TOX2: variants seen among roughly 807,000 people sequenced by gnomAD.
TOX2 encodes TOX high mobility group box family member 2.
A neutral mutation model predicts 47.4 loss-of-function variants in TOX2; 15 were observed. That is an observed-to-expected ratio of 0.32 (90% CI 0.21 to 0.49). The LOEUF is 0.49. Ranked by LOEUF, TOX2 falls within the 20% of genes least tolerant of loss-of-function variation. The pLI is 0.99. For synonymous variants in TOX2, 290 were observed against 296.6 expected (o/e 0.98, Z 0.23); for missense variants, 622 against 673.1 (o/e 0.92, Z 0.84).
chr20:44,059,886 G>A (rs1027097448), intron 5 of TOX2, among the ~76,000 whole-genome samples: 7 of 152,052 alleles, frequency 4.6e-5, no homozygotes, highest in South Asian at 2.1e-4. Flanking sequence ...ATAGCACAAC[G>A]AATAGAATAG....
At chr20:44,058,501 C>CACCT (rs1200386793) in intron 5 of TOX2, among the ~76,000 whole-genome samples, 1 of 152,210 alleles carries the variant, frequency 6.6e-6, no homozygotes, top group Non-Finnish European at 1.5e-5. Flanking sequence ...CCCCGCCCAC[C>CACCT]ACCTGACACT....
chr20:44,039,075 C>T, intron 3 of TOX2: 1 of 1,279,288 alleles, frequency 7.8e-7, no homozygotes, highest in Non-Finnish European at 1.0e-6. Context: ...GCTGCCTGCC[C>T]AGCCCTCTGC....
chr20:44,048,414 G>A (rs6031324), intron 3 of TOX2, among the ~76,000 whole-genome samples: 85,522 of 115,398 alleles, frequency 0.74, 31,919 homozygotes, highest in Middle Eastern at 0.79. Context: ...ATATATATAT[G>A]TATAATTTAC....
At chr20:44,068,208 G>A (rs2071868402) in intron 8 of TOX2, among the ~76,000 whole-genome samples, 1 of 152,058 alleles carries the variant, frequency 6.6e-6, no homozygotes, top group Non-Finnish European at 1.5e-5. Flanking sequence ...GTAGGGGAGT[G>A]TCACACAATG....
chr20:43,958,447 C>A (rs190466079), intron 1 of TOX2, among the ~76,000 whole-genome samples: 48 of 152,354 alleles, frequency 3.2e-4, no homozygotes, highest in African/African-American at 1.1e-3. Context: ...GGCTGCCCAG[C>A]CTTTGCTCAC....
chr20:44,013,513 C>T (rs2070817770), intron 3 of TOX2, among the ~76,000 whole-genome samples: 1 of 152,248 alleles, frequency 6.6e-6, no homozygotes, highest in Non-Finnish European at 1.5e-5. Context: ...CCTAGTCCAA[C>T]CCATTCATTT....
At position 44,043,101 on chromosome 20, in the gene TOX2, G is replaced by A. The variant is rs1008530041; in HGVS notation, c.412-8205G>A. 2.6e-5 allele frequency among the ~76,000 whole-genome samples: 4 copies of A among 152,292 alleles called. No individual in the cohort carries two copies. In the East Asian group the frequency reaches 7.7e-4, roughly 29 times the overall value. On this transcript the variant is annotated intron_variant, in intron 3 of 8. Coordinates refer to ENST00000341197, the MANE Select transcript of TOX2 (RefSeq NM_001098797.2). ...TTATATGCTTGCGGGGCATCCGAGG[G>A]AAGATGTCACTCAGGGACTTGGATG...
At chr20:43,988,079 C>T (rs765928119) in intron 2 of TOX2, among the ~76,000 whole-genome samples, 3 of 151,834 alleles carry the variant, frequency 2.0e-5, no homozygotes, top group Admixed American at 2.0e-4. Flanking sequence ...GCTACCACAC[C>T]CAGCTAATTT....
chr20:43,916,186 C>T lies in TOX2; in HGVS notation c.99+1196C>T, dbSNP rs1305375369. On this transcript the variant is annotated intron_variant, in intron 1 of 8. Coordinates refer to ENST00000341197, the MANE Select transcript of TOX2 (RefSeq NM_001098797.2). The surrounding 1 kb of genome is among the most constrained non-coding windows in gnomAD (Gnocchi z 5.0). ...GTTTCCCGCAGCCCTGGCGCAGACG[C>T]GTGGGCTCCGTGGCGATGCGGGGTG... The T allele has an allele frequency of 3.0e-6, 3 of 985,542 alleles. No homozygotes were observed. The highest frequency in any genetic ancestry group is 3.6e-6 in the Non-Finnish European group (3 of 829,996). The allele number at this position is 985,542 out of a possible 1,614,324, so 61.0% of individuals were successfully genotyped here.
At chr20:44,033,331 G>A (rs2071186016) in intron 3 of TOX2, among the ~76,000 whole-genome samples, 1 of 152,114 alleles carries the variant, frequency 6.6e-6, no homozygotes, top group Non-Finnish European at 1.5e-5. Context: ...CCCCTGGGAA[G>A]ACTCGCATGG....
chr20:43,953,602 T>G (rs2069618021), intron 1 of TOX2, among the ~76,000 whole-genome samples: 1 of 152,156 alleles, frequency 6.6e-6, no homozygotes, highest in South Asian at 2.1e-4. Flanking sequence ...GTAAAGGACT[T>G]GTCTCTGGGG....
rs538667168 is a variant in TOX2 at position 44,066,995 on chromosome 20, C to T, written c.1484+138C>T. On this transcript the variant is annotated intron_variant, in intron 8 of 8. Coordinates refer to ENST00000341197, the MANE Select transcript of TOX2 (RefSeq NM_001098797.2). ...TCACTGTCAGCCCTGCTGAGGGGAT[C>T]GATATCTCAGATGACACCGCAGAGC... The T allele has an allele frequency of 1.2e-5, 16 of 1,281,534 alleles. No homozygotes were observed. In the East Asian group the frequency reaches 1.5e-4, roughly 12 times the overall value. 79.4% of individuals were successfully genotyped at this position (1,281,534 alleles called of 1,614,324 possible).
At chr20:43,918,915 T>C (rs2069085451) in intron 1 of TOX2, among the ~76,000 whole-genome samples, 1 of 152,218 alleles carries the variant, frequency 6.6e-6, no homozygotes, top group Admixed American at 6.5e-5. Flanking sequence ...AGTGAGGTGA[T>C]ACAGGTTAGG....
intron 3 of TOX2, among the ~76,000 whole-genome samples, chr20:44,018,486 A>G (rs2070919693): frequency 6.6e-6 from 1 of 152,170 alleles, no homozygotes; most frequent in Non-Finnish European, 1.5e-5. Context: ...ATTCAGGACC[A>G]TGTTTGGGAA....
At chr20:43,942,656 AGCC>A (rs1316648178) in intron 1 of TOX2, among the ~76,000 whole-genome samples, 1 of 152,200 alleles carries the variant, frequency 6.6e-6, no homozygotes, top group Non-Finnish European at 1.5e-5. Flanking sequence ...ACTGCACTGC[AGCC>A]TGGGCAATAG....
chr20:44,024,886 G>A (rs958001457), intron 3 of TOX2, among the ~76,000 whole-genome samples: 1 of 152,190 alleles, frequency 6.6e-6, no homozygotes, highest in Non-Finnish European at 1.5e-5. Flanking sequence ...GGACCCGAAT[G>A]TGATGCCTTT....
At chr20:44,000,243 G>A (rs891038639) in intron 2 of TOX2, among the ~76,000 whole-genome samples, 4 of 152,230 alleles carry the variant, frequency 2.6e-5, no homozygotes, top group African/African-American at 4.8e-5. Flanking sequence ...GCCCTGGGGT[G>A]AGAATGGACC....
rs142766820 is a variant in TOX2, at chr20:43,961,990, A to G, written c.100-11377A>G. ...CCCTCTTTGAACCATTCCCCCTCAC[A>G]GCGCCAAATGAAAATGTTTGTTGAA... On this transcript the variant is annotated intron_variant, in intron 1 of 8. Transcript: ENST00000341197. 3.9e-5 allele frequency among the ~76,000 whole-genome samples: 6 copies of G among 152,268 alleles called. No homozygotes were observed. In the East Asian group the frequency reaches 7.7e-4, roughly 20 times the overall value.
At position 43,927,663 on chromosome 20, in the gene TOX2, T is replaced by TCCTTTCTTCCTTCCTTCCCTTCCCTTCC. The variant is rs1569003647; in HGVS notation, c.99+12677_99+12678insTCTTCCTTCCTTCCCTTCCCTTCCCCTT. Among the ~76,000 whole-genome samples the TCCTTTCTTCCTTCCTTCCCTTCCCTTCC allele has an allele frequency of 7.9e-3, 886 of 111,688 alleles. 113 individuals carry two copies. The highest frequency in any genetic ancestry group is 0.023 in the East Asian group (66 of 2,844). The allele number at this position is 111,688 out of a possible 152,430, so 73.3% of individuals were successfully genotyped here. A position where few individuals can be genotyped will look rare whatever the true frequency, so the allele number is the denominator to read the frequency against. On this transcript the variant is annotated intron_variant, in intron 1 of 8. Coordinates refer to ENST00000341197, the MANE Select transcript of TOX2 (RefSeq NM_001098797.2). ...TCCTCCCCTTCCCTTCCCTTCCCCT[T>TCCTTTCTTCCTTCCTTCCCTTCCCTTCC]CCTTCCTTCCTTTCTTCCTTCCTTC...
Sources: gnomAD v4.1 joint callset for allele counts (sites outside exome capture counted in the v4.1 genomes callset) on GRCh38, gnomAD v4.1.1 for gene constraint, Gnocchi (gnomAD v3.1) non-coding constraint, MANE v1.5 for transcripts, NCBI Gene and HGNC (gene_info 2026-07-23, HGNC 2026-07-21) for gene names.